The following CLASP2 variants were observed in gnomAD, a reference collection of about 807,000 sequenced individuals.
CLASP2 encodes the protein cytoplasmic linker associated protein 2.
A neutral mutation model predicts 194.4 loss-of-function variants in CLASP2; 47 were observed. The ratio of observed to expected loss-of-function variants is 0.24; its 90% CI spans 0.19 to 0.31. CLASP2 has a LOEUF of 0.31. CLASP2 is among the 10% of genes least tolerant of loss of function. The pLI, the probability that CLASP2 is intolerant of heterozygous loss-of-function variation, is 1.00. For synonymous variants in CLASP2, 619 were observed against 633.5 expected (o/e 0.98, Z 0.34); for missense variants, 1,445 against 1,823.6 (o/e 0.79, Z 3.78).
rs749376358 is a variant in CLASP2 at position 33,581,777 on chromosome 3, C to T, written c.2347+44G>A. ...TGCTGAAGTTAACAGATAGTGATAA[C>T]ACCATGGATAAGCAATGCACATAAC... is the stretch of plus-strand genomic sequence containing the variant. On this transcript the variant is annotated intron_variant, in intron 23 of 38. Transcript: ENST00000682230. 3.7e-6 allele frequency: 5 copies of T among 1,346,832 alleles called. No individual in the cohort carries two copies. The East Asian group carries it at 1.2e-4, about 31-fold the overall frequency. The allele number at this position is 1,346,832 out of a possible 1,614,324, so 83.4% of individuals were successfully genotyped here. A position where few individuals can be genotyped will look rare whatever the true frequency, so the allele number is the denominator to read the frequency against.
chr3:33,608,218 G>A (rs1360315964), intron 14 of CLASP2, among the ~76,000 whole-genome samples: 1 of 152,148 alleles, frequency 6.6e-6, no homozygotes, highest in African/African-American at 2.4e-5. Flanking sequence ...TCTGAAAGGA[G>A]GCTCCTTCCA....
intron 12 of CLASP2, among the ~76,000 whole-genome samples, chr3:33,616,878 C>T (rs562180962): frequency 2.8e-4 from 42 of 151,202 alleles, no homozygotes; most frequent in African/African-American, 9.2e-4. Context: ...GCTGGGATTA[C>T]AGGCATGCAC....
chr3:33,512,448 C>T (rs565926337), intron 36 of CLASP2, among the ~76,000 whole-genome samples: 4 of 32,064 alleles, frequency 1.2e-4, no homozygotes, highest in African/African-American at 5.5e-4. Context: ...GGGAGATATA[C>T]CTAATGCTAG....
At chr3:33,596,423 G>A (rs566249963) in intron 19 of CLASP2, among the ~76,000 whole-genome samples, 2 of 152,030 alleles carry the variant, frequency 1.3e-5, no homozygotes, top group South Asian at 4.2e-4. Context: ...AAGACTTAAC[G>A]AATCGAGAAT....
At chr3:33,631,412 G>T (rs1395314466) in intron 9 of CLASP2, among the ~76,000 whole-genome samples, 1 of 152,100 alleles carries the variant, frequency 6.6e-6, no homozygotes, top group Non-Finnish European at 1.5e-5. Flanking sequence ...AATATTCATT[G>T]CAGGCTGGTG....
chr3:33,615,714 C>A (rs955936928), intron 12 of CLASP2, among the ~76,000 whole-genome samples: 1 of 151,910 alleles, frequency 6.6e-6, no homozygotes, highest in African/African-American at 2.4e-5. Context: ...TACTAGAACA[C>A]AAATAAAATT....
intron 1 of CLASP2, among the ~76,000 whole-genome samples, chr3:33,709,191 G>T (rs2092878823): frequency 6.6e-6 from 1 of 152,110 alleles, no homozygotes; most frequent in Non-Finnish European, 1.5e-5. Flanking sequence ...CCAAAGTCAA[G>T]GATATTTCCC....
intron 1 of CLASP2, among the ~76,000 whole-genome samples, chr3:33,714,111 A>C (rs1429602205): frequency 1.3e-5 from 2 of 152,164 alleles, no homozygotes; most frequent in Admixed American, 1.3e-4. Context: ...CATCTCAAAA[A>C]TTAAATGAGA....
At chr3:33,527,076 A>G (rs961698571) in intron 34 of CLASP2, among the ~76,000 whole-genome samples, 5 of 152,246 alleles carry the variant, frequency 3.3e-5, no homozygotes, top group African/African-American at 1.2e-4. Flanking sequence ...TTAGAGAAGG[A>G]AGAACAAATT....
intron 7 of CLASP2, chr3:33,645,138 G>T (rs941736962): frequency 5.0e-5 from 35 of 701,404 alleles, no homozygotes; most frequent in Admixed American, 4.3e-5. Flanking sequence ...TACATATTAA[G>T]TCAAAACATA....
intron 7 of CLASP2, among the ~76,000 whole-genome samples, chr3:33,651,821 A>C (rs542597854): frequency 6.6e-6 from 1 of 151,886 alleles, no homozygotes; most frequent in Non-Finnish European, 1.5e-5. Flanking sequence ...CACCACGGCC[A>C]GCTAATTTTG....
chr3:33,552,597 G>C (rs2060210878), intron 29 of CLASP2, among the ~76,000 whole-genome samples: 1 of 152,058 alleles, frequency 6.6e-6, no homozygotes. Context: ...CAATTTTAAA[G>C]TTTTATATAT....
chr3:33,608,335 T>C (rs2074343161), intron 14 of CLASP2, among the ~76,000 whole-genome samples: 1 of 152,194 alleles, frequency 6.6e-6, no homozygotes, highest in South Asian at 2.1e-4. Flanking sequence ...GTATCTTATA[T>C]AACCCATTCT....
rs141344303 is a variant in CLASP2 at position 33,591,674 on chromosome 3, ATAAT to A, written c.2068+717_2068+720del. On this transcript the variant is annotated intron_variant, in intron 21 of 38. Coordinates refer to ENST00000682230, the MANE Select transcript of CLASP2 (RefSeq NM_001365631.1). ...ATGTTTACTATTCTGAAACATAGAA[ATAAT>A]TAATTTTAGCTAGACCTCAAAATTG... is the stretch of plus-strand genomic sequence containing the variant. 3.0e-3 allele frequency among the ~76,000 whole-genome samples: 461 copies of A among 152,364 alleles called. 2 individuals are homozygous for A. Among genetic ancestry groups the A allele is most frequent in the Middle Eastern group, 6.8e-3 (2 of 294 alleles).
intron 29 of CLASP2, among the ~76,000 whole-genome samples, chr3:33,556,159 C>T (rs1326629967): frequency 6.6e-6 from 1 of 152,046 alleles, no homozygotes; most frequent in Non-Finnish European, 1.5e-5. Context: ...TGCCATTTCC[C>T]CCATTGCTTC....
intron 10 of CLASP2, among the ~76,000 whole-genome samples, chr3:33,623,636 A>G (rs1020468160): frequency 6.6e-6 from 1 of 152,178 alleles, no homozygotes; most frequent in African/African-American, 2.4e-5. Context: ...TAATATTCCA[A>G]TGTGTATATG....
At chr3:33,692,440 A>G (rs372324729) in intron 2 of CLASP2, among the ~76,000 whole-genome samples, 7 of 152,330 alleles carry the variant, frequency 4.6e-5, no homozygotes, top group East Asian at 1.9e-4. Flanking sequence ...AAAACTTCAC[A>G]TTACATAAAA....
At chr3:33,571,528 G>C (rs973835476) in intron 25 of CLASP2, among the ~76,000 whole-genome samples, 14 of 151,680 alleles carry the variant, frequency 9.2e-5, no homozygotes, top group African/African-American at 2.9e-4. Context: ...CCAGCTACTC[G>C]GGAGGCTGAG....
intron 30 of CLASP2, among the ~76,000 whole-genome samples, chr3:33,547,952 T>C (rs1046633912): frequency 4.0e-5 from 6 of 151,030 alleles, no homozygotes; most frequent in Middle Eastern, 3.4e-3. Flanking sequence ...CCACACTCAA[T>C]TAATTTTTGT....
Sources: gnomAD v4.1 joint callset for allele counts (sites outside exome capture counted in the v4.1 genomes callset) on GRCh38, gnomAD v4.1.1 for gene constraint, MANE v1.5 for transcripts, NCBI Gene and HGNC (gene_info 2026-07-23, HGNC 2026-07-21) for gene names.